GRXCR1: variants seen among roughly 807,000 people sequenced by gnomAD.
The protein encoded by GRXCR1 is glutaredoxin and cysteine rich domain containing 1.
In GRXCR1, 27 loss-of-function variants were observed where a neutral mutation model predicts 27.3. The observed-to-expected ratio is 0.99, with a 90% CI of 0.73 to 1.37. The LOEUF (loss-of-function observed/expected upper bound fraction) is 1.37, where lower values mean the gene tolerates loss of function less well. GRXCR1 is among the 40% of genes most tolerant of loss of function. The pLI, the probability that GRXCR1 is intolerant of heterozygous loss-of-function variation, is 0.00. For missense variants in GRXCR1, 379 were observed against 354.4 expected, an observed-to-expected ratio of 1.07 and a Z score of -0.56; for synonymous variants, 122 against 131.1, an observed-to-expected ratio of 0.93 and a Z score of 0.47.
intron 2 of GRXCR1, among the ~76,000 whole-genome samples, chr4:42,965,238 T>C (rs565785431): frequency 1.9e-4 from 29 of 152,186 alleles, no homozygotes; most frequent in Admixed American, 1.4e-3. Flanking sequence ...TTTATACACA[T>C]GGTAGCCTAG....
At chr4:43,016,112 T>C (rs1712923632) in intron 2 of GRXCR1, among the ~76,000 whole-genome samples, 2 of 152,234 alleles carry the variant, frequency 1.3e-5, no homozygotes, top group African/African-American at 4.8e-5. Context: ...TACAAGCTGA[T>C]TTATATCACT....
chr4:42,907,809 C>T (rs1746631657), intron 1 of GRXCR1, among the ~76,000 whole-genome samples: 1 of 152,098 alleles, frequency 6.6e-6, no homozygotes, highest in African/African-American at 2.4e-5. Context: ...TACTGCATTG[C>T]TTGGGGGAAA....
chr4:42,974,913 ACTGAAAAC>A (rs1422919677), intron 2 of GRXCR1, among the ~76,000 whole-genome samples: 1 of 151,978 alleles, frequency 6.6e-6, no homozygotes, highest in Non-Finnish European at 1.5e-5. Flanking sequence ...TGTAAAATAG[ACTGAAAAC>A]CTTGAGATCT....
chr4:42,927,031 A>G (rs1747171981), intron 1 of GRXCR1, among the ~76,000 whole-genome samples: 1 of 152,018 alleles, frequency 6.6e-6, no homozygotes, highest in Non-Finnish European at 1.5e-5. Flanking sequence ...CCAAATCATT[A>G]TTATTATTCT....
chr4:42,936,892 C>G lies in GRXCR1; in HGVS notation c.385-26000C>G, dbSNP rs190352319. 2.0e-5 allele frequency among the ~76,000 whole-genome samples: 3 copies of G among 151,990 alleles called. No individual in the cohort carries two copies. The East Asian group carries it at 5.8e-4, about 29-fold the overall frequency. Reference sequence around the variant, plus strand: ...AGTACATGCTATCAACATGACTTTTCATTGTTGAAGTTAAACTTGATCCCT... The same window carrying G: ...AGTACATGCTATCAACATGACTTTTGATTGTTGAAGTTAAACTTGATCCCT... On this transcript the variant is annotated intron_variant, in intron 1 of 3. Transcript: ENST00000399770.
chr4:42,996,397 C>T (rs567556551), intron 2 of GRXCR1, among the ~76,000 whole-genome samples: 1 of 152,136 alleles, frequency 6.6e-6, no homozygotes, highest in African/African-American at 2.4e-5. Flanking sequence ...TAAATTTACT[C>T]CAGCCAGTGA....
At chr4:43,002,529 CA>C (rs61304239) in intron 2 of GRXCR1, among the ~76,000 whole-genome samples, 4 of 151,898 alleles carry the variant, frequency 2.6e-5, no homozygotes, top group African/African-American at 9.7e-5. Context: ...GTGGCTGGTA[CA>C]AAACTACAAA....
At chr4:42,956,393 C>T (rs1367579474) in intron 1 of GRXCR1, among the ~76,000 whole-genome samples, 1 of 151,772 alleles carries the variant, frequency 6.6e-6, no homozygotes, top group Admixed American at 6.6e-5. Flanking sequence ...AGACTTCTGG[C>T]CAGATGCTTT....
At chr4:42,985,774 G>A (rs1221616984) in intron 2 of GRXCR1, among the ~76,000 whole-genome samples, 1 of 152,012 alleles carries the variant, frequency 6.6e-6, no homozygotes, top group Non-Finnish European at 1.5e-5. Context: ...AAAGAATTGG[G>A]AGAGCCAATT....
At chr4:42,986,521 G>A (rs1711728710) in intron 2 of GRXCR1, among the ~76,000 whole-genome samples, 2 of 152,186 alleles carry the variant, frequency 1.3e-5, no homozygotes, top group African/African-American at 2.4e-5. Flanking sequence ...GTGCCCTGGA[G>A]ATTTCTTCAA....
At chr4:42,942,470 T>C (rs897787020) in intron 1 of GRXCR1, among the ~76,000 whole-genome samples, 2 of 152,066 alleles carry the variant, frequency 1.3e-5, no homozygotes, top group Non-Finnish European at 1.5e-5. Context: ...TCTCATCCCT[T>C]GACAGTCATA....
chr4:42,985,269 A>C (rs1711678776), intron 2 of GRXCR1, among the ~76,000 whole-genome samples: 1 of 152,136 alleles, frequency 6.6e-6, no homozygotes. Context: ...AATGTAAACC[A>C]CTAACCATTC....
intron 1 of GRXCR1, among the ~76,000 whole-genome samples, chr4:42,939,977 C>A (rs981980147): frequency 6.6e-6 from 1 of 151,818 alleles, no homozygotes; most frequent in African/African-American, 2.4e-5. Context: ...GAGCAATGTC[C>A]TTTTCTTAAT....
chr4:42,913,100 ATAAATTACCCAGT>A (rs1746764215), intron 1 of GRXCR1, among the ~76,000 whole-genome samples: 1 of 152,186 alleles, frequency 6.6e-6, no homozygotes, highest in Admixed American at 6.6e-5. Flanking sequence ...TGTTTTCTTT[ATAAATTACCCAGT>A]CTCAGGCATT....
chr4:42,925,052 C>G (rs1325702816), intron 1 of GRXCR1, among the ~76,000 whole-genome samples: 1 of 148,450 alleles, frequency 6.7e-6, no homozygotes, highest in East Asian at 2.0e-4. Flanking sequence ...TGGCCCTAAG[C>G]ATGAAAGAGA....
At chr4:43,004,189 G>T (rs1257305240) in intron 2 of GRXCR1, among the ~76,000 whole-genome samples, 1 of 152,260 alleles carries the variant, frequency 6.6e-6, no homozygotes, top group Non-Finnish European at 1.5e-5. Flanking sequence ...TAAGCCTCAA[G>T]CCTTGGTGGC....
intron 1 of GRXCR1, among the ~76,000 whole-genome samples, chr4:42,924,682 C>T (rs1156438670): frequency 1.3e-5 from 2 of 152,050 alleles, no homozygotes. Flanking sequence ...AATGTTCCTG[C>T]CTGCCCTCCT....
intron 1 of GRXCR1, among the ~76,000 whole-genome samples, chr4:42,931,517 C>G (rs1344976264): frequency 6.6e-6 from 1 of 151,842 alleles, no homozygotes; most frequent in Non-Finnish European, 1.5e-5. Context: ...CTTTCCAAGC[C>G]AGATTCTTCC....
At chr4:42,920,010 G>A (rs368166934) in intron 1 of GRXCR1, among the ~76,000 whole-genome samples, 1 of 152,230 alleles carries the variant, frequency 6.6e-6, no homozygotes, top group East Asian at 1.9e-4. Flanking sequence ...TGTGGTAAAA[G>A]GAAATGGACT....
Sources: allele counts gnomAD v4.1 joint callset (sites outside exome capture counted in the v4.1 genomes callset), GRCh38; gene constraint gnomAD v4.1.1; transcripts MANE v1.5; gene names NCBI Gene and HGNC (gene_info 2026-07-23, HGNC 2026-07-21).